Variants in ADAMTS14 observed in about 807,000 individuals in gnomAD.
ADAMTS14 encodes ADAM metallopeptidase with thrombospondin type 1 motif 14.
In ADAMTS14, 100 loss-of-function variants were observed where a neutral mutation model predicts 128.6. The observed-to-expected ratio is 0.78, with a 90% CI of 0.66 to 0.92. The LOEUF (loss-of-function observed/expected upper bound fraction) is 0.92, where lower values mean the gene tolerates loss of function less well. Ranked by LOEUF, ADAMTS14 falls within the 40% of genes least tolerant of loss-of-function variation. ADAMTS14 has a pLI of 0.00. For synonymous variants in ADAMTS14, 665 were observed against 653.8 expected, an observed-to-expected ratio of 1.02 and a Z score of -0.26; for missense variants, 1,562 against 1,658.6, an observed-to-expected ratio of 0.94 and a Z score of 1.01.
intron 15 of ADAMTS14, among the ~76,000 whole-genome samples, chr10:70,749,354 G>C (rs888260302): frequency 6.6e-6 from 1 of 152,200 alleles, no homozygotes; most frequent in African/African-American, 2.4e-5. Flanking sequence ...TGGTGAAACT[G>C]AGGCAGCACA....
Position 70,726,809 on chromosome 10 carries a change from A to T in ADAMTS14, c.871-2485A>T, listed in dbSNP as rs78954326. On this transcript the variant is annotated intron_variant, in intron 4 of 21. Coordinates refer to ENST00000373207, the MANE Select transcript of ADAMTS14 (RefSeq NM_080722.4). ...ACTCCACCCTGAAGTCCCTCCTAGG[A>T]TAAGTCTAGGGTGTGTGGATTGAGG... is the stretch of plus-strand genomic sequence containing the variant. Among the ~76,000 whole-genome samples, 193 of 152,274 alleles carry T rather than the reference A, an allele frequency of 1.3e-3. 4 individuals carry two copies. The East Asian group carries it at 0.033, about 26-fold the overall frequency.
At chr10:70,754,248 C>T (rs1254641463) in intron 19 of ADAMTS14, among the ~76,000 whole-genome samples, 2 of 152,234 alleles carry the variant, frequency 1.3e-5, no homozygotes, top group African/African-American at 2.4e-5. Context: ...GTTCATGTCC[C>T]TGTGTTCCAG....
chr10:70,730,945 G>A (rs1841616117), intron 6 of ADAMTS14, among the ~76,000 whole-genome samples: 1 of 152,122 alleles, frequency 6.6e-6, no homozygotes, highest in Non-Finnish European at 1.5e-5. Flanking sequence ...GGATCTCCAG[G>A]TTCCATGTTG....
chr10:70,731,869 T>A (rs1841650087), intron 6 of ADAMTS14, among the ~76,000 whole-genome samples: 2 of 152,070 alleles, frequency 1.3e-5, no homozygotes. Flanking sequence ...GAGTCTCCTG[T>A]TTTCCCCCTG....
chr10:70,743,997 G>T lies in ADAMTS14; in HGVS notation c.2059-69G>T, dbSNP rs111642660. 2.0e-6 allele frequency: 3 copies of T among 1,527,354 alleles called. No individual in the cohort carries two copies. In the South Asian group the frequency reaches 3.7e-5, roughly 19 times the overall value. 94.6% of individuals were successfully genotyped at this position (1,527,354 alleles called of 1,614,324 possible). On this transcript the variant is annotated intron_variant, in intron 13 of 21. Transcript: ENST00000373207. Reference sequence around the variant, plus strand: ...TCTCCTGACCAGGGCCTGGGGATGGGAATGGGAGCCCCGGGGTGGCGGTGG... The same window carrying T: ...TCTCCTGACCAGGGCCTGGGGATGGTAATGGGAGCCCCGGGGTGGCGGTGG...
chr10:70,681,076 G>T (rs1054499255), intron 2 of ADAMTS14, among the ~76,000 whole-genome samples: 2 of 152,236 alleles, frequency 1.3e-5, no homozygotes, highest in Admixed American at 1.3e-4. Context: ...GGGATGCAGG[G>T]ATGAAGCTCA....
At chr10:70,749,094 T>C (rs1460515584) in intron 15 of ADAMTS14, among the ~76,000 whole-genome samples, 1 of 152,166 alleles carries the variant, frequency 6.6e-6, no homozygotes, top group Non-Finnish European at 1.5e-5. Context: ...GACACCAAGA[T>C]GGAGATAAGC....
At chr10:70,710,546 T>G (rs1840818298) in intron 4 of ADAMTS14, among the ~76,000 whole-genome samples, 1 of 152,176 alleles carries the variant, frequency 6.6e-6, no homozygotes, top group Non-Finnish European at 1.5e-5. Context: ...ACATGGGCAG[T>G]GCTGGGAGGC....
At chr10:70,733,662 CAGGAGCGAAGGCTTGG>C (rs1841720349) in intron 7 of ADAMTS14, among the ~76,000 whole-genome samples, 1 of 152,184 alleles carries the variant, frequency 6.6e-6, no homozygotes, top group Admixed American at 6.5e-5. Flanking sequence ...TGGTGAACAG[CAGGAGCGAAGGCTTGG>C]AGGGCAGGAT....
chr10:70,753,038 A>C (rs1397421997), intron 18 of ADAMTS14, among the ~76,000 whole-genome samples: 1 of 152,228 alleles, frequency 6.6e-6, no homozygotes, highest in African/African-American at 2.4e-5. Context: ...CATGCAGTTT[A>C]GCTCTGCCTG....
At position 70,757,263 on chromosome 10, in the gene ADAMTS14, G is replaced by A. The variant is rs113073395; in HGVS notation, c.2938-699G>A. Among the ~76,000 whole-genome samples the A allele has an allele frequency of 6.6e-5, 10 of 152,252 alleles. No homozygotes were observed. The East Asian group carries it at 1.5e-3, about 24-fold the overall frequency. ...CCACCCCCTGCAAACGGTGGTCCTC[G>A]GTCCTCTGGTGCCTCCTGCTCCTTG... is the stretch of plus-strand genomic sequence containing the variant. On this transcript the variant is annotated intron_variant, in intron 19 of 21. Transcript: ENST00000373207.
At chr10:70,689,701 T>G (rs1296134535) in intron 2 of ADAMTS14, among the ~76,000 whole-genome samples, 3 of 145,884 alleles carry the variant, frequency 2.1e-5, no homozygotes, top group African/African-American at 7.3e-5. Context: ...CTGCAGTGTA[T>G]TCGCCAACAG....
chr10:70,678,186 T>C lies in ADAMTS14; in HGVS notation c.522+3191T>C, dbSNP rs1051574573. On this transcript the variant is annotated intron_variant, in intron 2 of 21. Coordinates refer to ENST00000373207, the MANE Select transcript of ADAMTS14 (RefSeq NM_080722.4). ...GAGATACGAAGATAATACAGATAGC[T>C]TCCATTAGTACAGGACTTTATAGTT... 1.1e-4 allele frequency among the ~76,000 whole-genome samples: 16 copies of C among 152,228 alleles called. 1 individual carries two copies. Among genetic ancestry groups the C allele is most frequent in the Non-Finnish European group, 1.5e-5 (1 of 68,036 alleles).
chr10:70,736,868 C>G (rs1439477774), intron 10 of ADAMTS14, 75 bp downstream of exon 10: 1 of 1,360,496 alleles, frequency 7.4e-7, no homozygotes, highest in Non-Finnish European at 1.0e-6. Flanking sequence ...GGGTGGATCC[C>G]AGAGTGAACC....
Position 70,751,486 on chromosome 10 carries a change from C to T in ADAMTS14, c.2436C>T (p.Pro812=). Residue 812 remains proline (P), a synonymous_variant, in exon 17 of 22, where the codon CCC becomes CCT. Coordinates refer to ENST00000373207, the MANE Select transcript of ADAMTS14 (RefSeq NM_080722.4). ...LPEAIAILAL[P]PTEGGPRSSL... is the part of the protein sequence containing the mutation. Reference sequence around the variant, plus strand: ...TCCCCATCTCCCCTCAGGCTCTCCCCCCAACTGAGGGTGGCCCCCGCAGCA... The same window carrying T: ...TCCCCATCTCCCCTCAGGCTCTCCCTCCAACTGAGGGTGGCCCCCGCAGCA... 1 of 1,605,028 alleles carries T rather than the reference C, an allele frequency of 6.2e-7. No individual in the cohort carries two copies. Among genetic ancestry groups the T allele is most frequent in the Non-Finnish European group, 8.5e-7 (1 of 1,172,428 alleles).
intron 4 of ADAMTS14, among the ~76,000 whole-genome samples, chr10:70,722,326 G>A (rs36015241): frequency 0.12 from 17,994 of 152,158 alleles, 1,280 homozygotes; most frequent in Middle Eastern, 0.2. Flanking sequence ...GACTGAGAAA[G>A]GACAGGAGGG....
chr10:70,672,725 G>GC lies in ADAMTS14; in HGVS notation c.-77dup. 1 of 1,392,446 alleles carries GC rather than the reference G, an allele frequency of 7.2e-7. No individual in the cohort carries two copies. The highest frequency in any genetic ancestry group is 9.3e-7 in the Non-Finnish European group (1 of 1,077,688). The allele number at this position is 1,392,446 out of a possible 1,614,324, so 86.3% of individuals were successfully genotyped here. On this transcript the variant is annotated 5_prime_UTR_variant, in exon 1 of 22. Transcript: ENST00000373207. Reference sequence around the variant, plus strand: ...CCAGCCGGTGCTCCGACAGCCCGGGGCGCACCCTAGCCTCGCCGCCCTCAG... The same window carrying GC: ...CCAGCCGGTGCTCCGACAGCCCGGGGCCGCACCCTAGCCTCGCCGCCCTCAG...
intron 4 of ADAMTS14, among the ~76,000 whole-genome samples, chr10:70,711,430 T>C (rs1242392139): frequency 2.0e-5 from 3 of 152,228 alleles, no homozygotes; most frequent in Non-Finnish European, 4.4e-5. Flanking sequence ...GGAGAGCAGT[T>C]AGACACAGCC....
chr10:70,712,135 T>C (rs10733877), intron 4 of ADAMTS14, among the ~76,000 whole-genome samples: 151,749 of 152,198 alleles, frequency 1, 75,651 homozygotes, highest in East Asian at 1. Context: ...ACCCAGACTC[T>C]GCAAATCACA....
Sources: allele counts gnomAD v4.1 joint callset (sites outside exome capture counted in the v4.1 genomes callset), GRCh38; gene constraint gnomAD v4.1.1; transcripts MANE v1.5; gene names NCBI Gene and HGNC (gene_info 2026-07-23, HGNC 2026-07-21).